Variants in KLHL32 observed in about 807,000 individuals in gnomAD.
The protein encoded by KLHL32 is kelch like family member 32.
Under a neutral mutation model 64.8 loss-of-function variants are expected in KLHL32, and 35 were observed. The ratio of observed to expected loss-of-function variants is 0.54; its 90% confidence interval spans 0.41 to 0.72. The LOEUF is 0.72. Ranked by LOEUF, KLHL32 falls within the 30% of genes least tolerant of loss-of-function variation. The probability of loss-of-function intolerance (pLI) is 0.00; values close to 1 mark genes in which losing one functional copy is unlikely to be tolerated. For missense variants in KLHL32, 589 were observed against 768.5 expected, an observed-to-expected ratio of 0.77 and a Z score of 2.76; for synonymous variants, 259 against 281.0, an observed-to-expected ratio of 0.92 and a Z score of 0.78.
intron 3 of KLHL32, among the ~76,000 whole-genome samples, chr6:97,019,161 A>G (rs7775763): frequency 0.065 from 9,893 of 152,268 alleles, 692 homozygotes; most frequent in African/African-American, 0.17. Context: ...AAAGGAAAAC[A>G]AATATAGAAA....
At chr6:96,898,634 T>G in the KLHL32 span, among the ~76,000 whole-genome samples, 3 of 152,250 alleles carry the variant, frequency 2.0e-5, no homozygotes, top group East Asian at 1.9e-4. Context: ...CTCTCTTGCC[T>G]TCTTCATTCT....
At chr6:97,009,625 C>T (rs140637737) in intron 3 of KLHL32, among the ~76,000 whole-genome samples, 112 of 152,176 alleles carry the variant, frequency 7.4e-4, no homozygotes, top group Middle Eastern at 6.8e-3. Context: ...TTGTTACATA[C>T]GCTAGTTTAC....
the KLHL32 span, among the ~76,000 whole-genome samples, chr6:96,906,754 T>C: frequency 3.3e-5 from 5 of 152,212 alleles, no homozygotes; most frequent in African/African-American, 1.2e-4. Context: ...TGAATAAGTA[T>C]AGTCATCTAT....
chr6:97,085,397 A>G, intron 6 of KLHL32, 56 bp downstream of exon 6: 1 of 1,471,096 alleles, frequency 6.8e-7, no homozygotes. Context: ...CGTGATTGGA[A>G]GTTAAAGGAC....
intron 6 of KLHL32, among the ~76,000 whole-genome samples, chr6:97,100,506 G>A (rs543120355): frequency 6.6e-6 from 1 of 152,312 alleles, no homozygotes; most frequent in Non-Finnish European, 1.5e-5. Flanking sequence ...GTTCCCCCAT[G>A]CCAGTCTCTG....
chr6:97,089,129 C>T (rs1281834818), intron 6 of KLHL32, among the ~76,000 whole-genome samples: 1 of 152,196 alleles, frequency 6.6e-6, no homozygotes, highest in African/African-American at 2.4e-5. Context: ...CTGCCAACTC[C>T]ATTTCCCTCT....
chr6:96,928,957 A>C (rs995956115), intron 1 of KLHL32, among the ~76,000 whole-genome samples: 1 of 152,246 alleles, frequency 6.6e-6, no homozygotes, highest in African/African-American at 2.4e-5. Flanking sequence ...CTGTACTCAA[A>C]TCTAGACAGA....
rs112178972 is a variant in KLHL32, at chr6:97,041,733, C to A, written c.312+134C>A. Reference sequence around the variant, plus strand: ...ATGTTAAAAATAAGATTCACATCCTCTTAATTTTATGACTAAAGTTATGGA... The same window carrying A: ...ATGTTAAAAATAAGATTCACATCCTATTAATTTTATGACTAAAGTTATGGA... On this transcript the variant is annotated intron_variant, in intron 4 of 10. Transcript: ENST00000369261. 15 of 565,268 alleles carry A rather than the reference C, an allele frequency of 2.7e-5. 1 individual carries two copies. The highest frequency in any genetic ancestry group is 1.7e-4 in the African/African-American group (9 of 53,110). 35.0% of individuals were successfully genotyped at this position (565,268 alleles called of 1,614,324 possible). A position where few individuals can be genotyped will look rare whatever the true frequency, so the allele number is the denominator to read the frequency against.
intron 4 of KLHL32, among the ~76,000 whole-genome samples, chr6:97,049,171 C>T (rs1375244159): frequency 2.0e-5 from 3 of 152,154 alleles, no homozygotes; most frequent in African/African-American, 7.2e-5. Context: ...CCATACACAC[C>T]TGTCATAAAA....
intron 6 of KLHL32, among the ~76,000 whole-genome samples, chr6:97,101,575 C>G (rs115634879): frequency 0.013 from 1,969 of 152,280 alleles, 52 homozygotes; most frequent in African/African-American, 0.045. Context: ...GAGTATTGTA[C>G]AAAAACAACT....
At chr6:96,923,142 C>A (rs73758059), upstream of KLHL32, among the ~76,000 whole-genome samples, 3,024 of 152,274 alleles carry the variant, frequency 0.02, 105 homozygotes, top group African/African-American at 0.07. Context: ...CAATTATAGT[C>A]TTTGCTCTAT....
chr6:97,091,158 G>A (rs887724014), intron 6 of KLHL32, among the ~76,000 whole-genome samples: 4 of 152,192 alleles, frequency 2.6e-5, no homozygotes, highest in Non-Finnish European at 5.9e-5. Flanking sequence ...GCAGTGTGCC[G>A]TGATTGCACC....
intron 5 of KLHL32, among the ~76,000 whole-genome samples, chr6:97,073,830 A>C (rs541253264): frequency 1.3e-5 from 2 of 152,190 alleles, no homozygotes; most frequent in African/African-American, 4.8e-5. Flanking sequence ...TTCCTTCCAG[A>C]GGAAGGAAAG....
intron 3 of KLHL32, among the ~76,000 whole-genome samples, chr6:97,007,558 C>T (rs2128086737): frequency 6.6e-6 from 1 of 152,322 alleles, no homozygotes; most frequent in Non-Finnish European, 1.5e-5. Flanking sequence ...GGAAGACCCT[C>T]TGGTTTTCTG....
Position 96,967,065 on chromosome 6 carries a change from C to T in KLHL32, c.5C>T (p.Pro2Leu), listed in dbSNP as rs368004464. Residue 2 changes from proline to leucine, a missense_variant, in exon 2 of 11, where the codon CCG (proline) becomes CTG (leucine). Transcript: ENST00000369261. M[P>L]SERCLSIQEM... The stretch of plus-strand genomic sequence containing the variant: ...CCTGAGGAACCCAGCTGGAAAATGC[C>T]GTCTGAACGCTGCCTCAGGTATGCC... The T allele has an allele frequency of 4.3e-6, 7 of 1,613,666 alleles. No individual in the cohort carries two copies. Among genetic ancestry groups the T allele is most frequent in the Non-Finnish European group, 3.4e-6 (4 of 1,179,800 alleles).
intron 3 of KLHL32, among the ~76,000 whole-genome samples, chr6:97,027,493 T>A (rs1364241113): frequency 6.6e-6 from 1 of 152,210 alleles, no homozygotes; most frequent in East Asian, 1.9e-4. Flanking sequence ...AAAGCAGCTT[T>A]GAGGTAGCCA....
chr6:97,050,024 C>A (rs1263137717), intron 4 of KLHL32, among the ~76,000 whole-genome samples: 1 of 152,150 alleles, frequency 6.6e-6, no homozygotes, highest in East Asian at 1.9e-4. Flanking sequence ...TATTAAATTT[C>A]TCTGTGCTAT....
chr6:97,084,279 A>T (rs1218724500), intron 5 of KLHL32, among the ~76,000 whole-genome samples: 1 of 152,190 alleles, frequency 6.6e-6, no homozygotes, highest in Non-Finnish European at 1.5e-5. Context: ...TCTACTTGAC[A>T]TATGCAAATT....
chr6:97,106,219 G>C (rs888604553), intron 6 of KLHL32, among the ~76,000 whole-genome samples: 3 of 151,986 alleles, frequency 2.0e-5, no homozygotes, highest in African/African-American at 7.3e-5. Context: ...TCATATAATT[G>C]ATATATTTCT....
Sources: gnomAD v4.1 joint callset for allele counts (sites outside exome capture counted in the v4.1 genomes callset) on GRCh38, gnomAD v4.1.1 for gene constraint, MANE v1.5 for transcripts, NCBI Gene and HGNC (gene_info 2026-07-23, HGNC 2026-07-21) for gene names.